Variants in ANKAR observed in about 807,000 individuals in gnomAD.
The protein encoded by ANKAR is ankyrin and armadillo repeat-containing protein.
A neutral mutation model predicts 146.2 loss-of-function variants in ANKAR; 136 were observed. The observed-to-expected ratio is 0.93, with a 90% CI of 0.81 to 1.07. The LOEUF (loss-of-function observed/expected upper bound fraction) is 1.07, where lower values mean the gene tolerates loss of function less well. Among genes scored for constraint, ANKAR ranks in the 50% least tolerant of loss-of-function variants. ANKAR has a pLI of 0.00. For missense variants in ANKAR, 1,567 were observed against 1,679.9 expected, an observed-to-expected ratio of 0.93 and a Z score of 1.18; for synonymous variants, 500 against 575.8, an observed-to-expected ratio of 0.87 and a Z score of 1.88.
At chr2:189,688,804 T>A (rs566234512) in intron 2 of ANKAR, among the ~76,000 whole-genome samples, 1 of 152,306 alleles carries the variant, frequency 6.6e-6, no homozygotes, top group African/African-American at 2.4e-5. Flanking sequence ...AGGCCCTTAT[T>A]ATACGTCAGA....
intron 18 of ANKAR, among the ~76,000 whole-genome samples, chr2:189,757,850 C>T (rs574556853): frequency 3.3e-5 from 5 of 152,180 alleles, no homozygotes; most frequent in Non-Finnish European, 7.4e-5. Context: ...CAGTAGTCTC[C>T]TCAAGTGACC....
intron 12 of ANKAR, among the ~76,000 whole-genome samples, chr2:189,722,554 A>C (rs2041407840): frequency 6.6e-6 from 1 of 152,074 alleles, no homozygotes; most frequent in Non-Finnish European, 1.5e-5. Context: ...TTGTAGCAAC[A>C]ATTTGAATAA....
At chr2:189,697,315 C>G (rs1267926647) in intron 7 of ANKAR, among the ~76,000 whole-genome samples, 1 of 151,618 alleles carries the variant, frequency 6.6e-6, no homozygotes, top group African/African-American at 2.4e-5. Flanking sequence ...AGGAAGATTG[C>G]TTGAGCCCAG....
rs754991846 is a variant in ANKAR, at chr2:189,746,518, C to T, written c.4196C>T (p.Ser1399Leu). 1.6e-4 allele frequency: 258 copies of T among 1,613,650 alleles called. No homozygotes were observed. Among genetic ancestry groups the T allele is most frequent in the Non-Finnish European group, 2.1e-4 (251 of 1,179,850 alleles). The change falls in exon 23 of 23, where the codon TCA (serine) becomes TTA (leucine). Residue 1399 changes from serine to leucine, a missense_variant. Physicochemically the swap from Ser to Leu is moderately radical, Grantham distance 145 (BLOSUM62 -2). Coordinates refer to ENST00000684021, the MANE Select transcript of ANKAR (RefSeq NM_001378068.1). ...GATTCCCATAATATTTTTTCTTTTT[C>T]ATCTACAATTACATCAGATATCACA... is the stretch of plus-strand genomic sequence containing the variant. Reference protein sequence around the residue: ...TKDSHNIFSFSSTITSDITNV... With the variant: ...TKDSHNIFSFLSTITSDITNV...
At chr2:189,740,405 C>T (rs1346964552) in intron 19 of ANKAR, among the ~76,000 whole-genome samples, 1 of 152,082 alleles carries the variant, frequency 6.6e-6, no homozygotes, top group East Asian at 1.9e-4. Flanking sequence ...AGAGGCCAGA[C>T]AAAAATATAA....
chr2:189,762,435 A>T, downstream of ANKAR: 1 of 278,084 alleles, frequency 3.6e-6, no homozygotes, highest in Non-Finnish European at 5.5e-6. Flanking sequence ...TATTTGCAGA[A>T]GGCAGTTGCG....
rs779114563 is a variant in ANKAR at position 189,694,965 on chromosome 2, T to C, written c.1308-16T>C. ...CAAAGTTAGAGAAACATCTTTTTTT[T>C]CTTTATTTTTTATAGCTACTATGTG... On this transcript the variant is annotated splice_polypyrimidine_tract_variant and intron_variant, in intron 5 of 22. Transcript: ENST00000684021. 19 of 1,406,212 alleles carry C rather than the reference T, an allele frequency of 1.4e-5. No homozygotes were observed. In the South Asian group the frequency reaches 3.4e-4, roughly 25 times the overall value. 87.1% of individuals were successfully genotyped at this position (1,406,212 alleles called of 1,614,324 possible).
chr2:189,717,081 T>C (rs888324339), intron 10 of ANKAR, among the ~76,000 whole-genome samples: 83 of 152,140 alleles, frequency 5.5e-4, no homozygotes, highest in South Asian at 2.1e-4. Flanking sequence ...AAAGCCAAAA[T>C]AGACAAATGG....
chr2:189,729,128 T>C (rs759749714), intron 15 of ANKAR, among the ~76,000 whole-genome samples: 4 of 152,226 alleles, frequency 2.6e-5, no homozygotes, highest in Non-Finnish European at 5.9e-5. Flanking sequence ...AAAATAGTTC[T>C]TTTGAATCTC....
intron 18 of ANKAR, among the ~76,000 whole-genome samples, chr2:189,759,734 G>A (rs903075679): frequency 6.7e-6 from 1 of 149,280 alleles, no homozygotes; most frequent in East Asian, 1.9e-4. Flanking sequence ...CATCTGTAGA[G>A]TATTTTATTC....
intron 9 of ANKAR, among the ~76,000 whole-genome samples, chr2:189,710,331 A>G (rs1358861205): frequency 1.3e-5 from 2 of 152,202 alleles, no homozygotes; most frequent in African/African-American, 2.4e-5. Flanking sequence ...ATAAAGCCTC[A>G]TACCTAATTT....
rs775391743 is a variant in ANKAR at position 189,696,253 on chromosome 2, A to C, written c.1592A>C (p.Glu531Ala). 2.0e-5 allele frequency: 33 copies of C among 1,614,168 alleles called. No homozygotes were observed. Among genetic ancestry groups the C allele is most frequent in the Non-Finnish European group, 2.6e-5 (31 of 1,180,012 alleles). ...TSSSTINVSD[E>A]AGYTIFHHAA... ...AGCTCAACAATCAATGTTTCAGATG[A>C]AGCAGGTTATACTATTTTTCATCAT... Residue 531 changes from glutamate to alanine, a missense_variant, in exon 7 of 23, where the codon GAA becomes GCA. Coordinates refer to ENST00000684021, the MANE Select transcript of ANKAR (RefSeq NM_001378068.1).
chr2:189,720,111 C>G (rs555579610), intron 11 of ANKAR, among the ~76,000 whole-genome samples: 47 of 152,272 alleles, frequency 3.1e-4, no homozygotes, highest in Non-Finnish European at 5.6e-4. Flanking sequence ...GCAATATATT[C>G]AATTAATCTC....
chr2:189,685,310 G>T (rs2035404121), intron 2 of ANKAR, among the ~76,000 whole-genome samples: 1 of 150,200 alleles, frequency 6.7e-6, no homozygotes, highest in South Asian at 2.1e-4. Flanking sequence ...AACAATCGTG[G>T]TTTTTTTTTC....
rs1559147317 is a variant in ANKAR at position 189,742,888 on chromosome 2, AC to A, written c.3811-386del. Among the ~76,000 whole-genome samples the A allele has an allele frequency of 9.9e-3, 1,267 of 127,846 alleles. 28 individuals carry two copies. The highest frequency in any genetic ancestry group is 0.013 in the Non-Finnish European group (756 of 59,980). 83.9% of individuals were successfully genotyped at this position (127,846 alleles called of 152,430 possible). On this transcript the variant is annotated intron_variant, in intron 20 of 22. Coordinates refer to ENST00000684021, the MANE Select transcript of ANKAR (RefSeq NM_001378068.1). ...CTGACACACACACACACACACACAC[AC>A]ACACTAGAATTACCTGACACACACA...
At chr2:189,729,218 G>A (rs1225089) in intron 15 of ANKAR, among the ~76,000 whole-genome samples, 149,483 of 152,322 alleles carry the variant, frequency 0.98, 73,408 homozygotes, top group South Asian at 1. Context: ...ATGATCATTT[G>A]TTTATATAAC....
At chr2:189,700,156 A>C (rs2105607366) in intron 7 of ANKAR, among the ~76,000 whole-genome samples, 1 of 151,904 alleles carries the variant, frequency 6.6e-6, no homozygotes, top group East Asian at 1.9e-4. Context: ...GGGCAGGTCT[A>C]CTGGTGGCAA....
At chr2:189,715,800 A>T (rs1242263270) in intron 10 of ANKAR, among the ~76,000 whole-genome samples, 1 of 152,246 alleles carries the variant, frequency 6.6e-6, no homozygotes, top group Non-Finnish European at 1.5e-5. Flanking sequence ...AAATCAATAA[A>T]TGTAATCCAT....
At position 189,676,976 on chromosome 2, in the gene ANKAR, T is replaced by C; in HGVS notation, c.486T>C (p.Tyr162=). 1.2e-6 allele frequency: 2 copies of C among 1,613,940 alleles called. No homozygotes were observed. The highest frequency in any genetic ancestry group is 1.7e-6 in the Non-Finnish European group (2 of 1,180,000). The change falls in exon 2 of 23, where the codon TAT becomes TAC. Residue 162 remains tyrosine (Y), a synonymous_variant. Coordinates refer to ENST00000684021, the MANE Select transcript of ANKAR (RefSeq NM_001378068.1). ...YMLKALWHGI[Y]MPKEKRARFS... is the part of the protein sequence containing the mutation. ...TGAAAGCACTATGGCATGGAATATA[T>C]ATGCCCAAAGAAAAACGAGCTAGAT...
Sources: gnomAD v4.1 joint callset for allele counts (sites outside exome capture counted in the v4.1 genomes callset) on GRCh38, gnomAD v4.1.1 for gene constraint, MANE v1.5 for transcripts, NCBI Gene and HGNC (gene_info 2026-07-23, HGNC 2026-07-21) for gene names.